Variants in MAP3K1 observed in about 807,000 individuals in gnomAD.
MAP3K1 encodes the protein MAP/ERK kinase kinase 1.
In MAP3K1, 36 loss-of-function variants were observed where a neutral mutation model predicts 144.2. The observed-to-expected ratio is 0.25, with a 90% CI of 0.19 to 0.33. The LOEUF is 0.33. Ranked by LOEUF, MAP3K1 falls within the 10% of genes least tolerant of loss-of-function variation. MAP3K1 has a pLI of 1.00. For missense variants in MAP3K1, 1,650 were observed against 1,881.9 expected, an observed-to-expected ratio of 0.88 and a Z score of 2.28; for synonymous variants, 718 against 688.7, an observed-to-expected ratio of 1.04 and a Z score of -0.67.
intron 3 of MAP3K1, 149 bp downstream of exon 3, chr5:56,860,064 C>T (rs1247914584): frequency 6.7e-6 from 5 of 743,410 alleles, no homozygotes; most frequent in Non-Finnish European, 4.7e-6. Flanking sequence ...GTTCCTGAGA[C>T]CCTTTCTGGG....
chr5:56,842,928 A>G (rs549765207), intron 1 of MAP3K1, among the ~76,000 whole-genome samples: 2 of 152,026 alleles, frequency 1.3e-5, no homozygotes, highest in Admixed American at 6.5e-5. Flanking sequence ...TCGCTCCAGA[A>G]CTCATGCCCC....
Position 56,895,804 on chromosome 5 carries a change from CGTCT to C in MAP3K1, c.*2125_*2128del, listed in dbSNP as rs779464672. ...TATTTGGTACTCAAGTTGTAAATAA[CGTCT>C]ACTACTGTTTATTCCAGTTTCTACT... On this transcript the variant is annotated 3_prime_UTR_variant, in exon 20 of 20. Transcript: ENST00000399503. 6.1e-5 allele frequency: 14 copies of C among 231,138 alleles called. No individual in the cohort carries two copies. In the East Asian group the frequency reaches 8.6e-4, roughly 14 times the overall value. 14.3% of individuals were successfully genotyped at this position (231,138 alleles called of 1,614,324 possible). A position where few individuals can be genotyped will look rare whatever the true frequency, so the allele number is the denominator to read the frequency against.
chr5:56,820,612 T>C (rs1164078527), intron 1 of MAP3K1: 1 of 984,372 alleles, frequency 1.0e-6, no homozygotes, highest in African/African-American at 1.7e-5. Flanking sequence ...TTGTGCTGTA[T>C]TAAATCATAA....
intron 19 of MAP3K1, among the ~76,000 whole-genome samples, chr5:56,892,557 GAAATA>G (rs1458630712): frequency 5.3e-5 from 8 of 152,110 alleles, no homozygotes; most frequent in Non-Finnish European, 1.2e-4. Flanking sequence ...TCTAGTGATT[GAAATA>G]AAATAACAGT....
Position 56,884,574 on chromosome 5 carries a change from C to A in MAP3K1, c.3820-90C>A, listed in dbSNP as rs1403635132. 3 of 1,222,402 alleles carry A rather than the reference C, an allele frequency of 2.5e-6. No homozygotes were observed. The Admixed American group carries it at 5.5e-5, about 22-fold the overall frequency. 75.7% of individuals were successfully genotyped at this position (1,222,402 alleles called of 1,614,324 possible). On this transcript the variant is annotated intron_variant, in intron 15 of 19. Coordinates refer to ENST00000399503, the MANE Select transcript of MAP3K1 (RefSeq NM_005921.2). The stretch of plus-strand genomic sequence containing the variant: ...CCATAAGCATAAATGCCATCTGTTG[C>A]TAATAAAGTGCTAGTTTGCATTTGT...
chr5:56,825,845 A>G (rs989227950), intron 1 of MAP3K1, among the ~76,000 whole-genome samples: 2 of 152,118 alleles, frequency 1.3e-5, no homozygotes, highest in African/African-American at 2.4e-5. Flanking sequence ...TCCAGACTCC[A>G]TAATGCAGTT....
At chr5:56,829,672 G>T (rs1746430083) in intron 1 of MAP3K1, among the ~76,000 whole-genome samples, 1 of 152,056 alleles carries the variant, frequency 6.6e-6, no homozygotes, top group Admixed American at 6.6e-5. Context: ...TATTTATTTG[G>T]GGCACTTACT....
chr5:56,829,401 C>T (rs1242621067), intron 1 of MAP3K1, among the ~76,000 whole-genome samples: 2 of 150,192 alleles, frequency 1.3e-5, no homozygotes, highest in Non-Finnish European at 3.0e-5. Context: ...TTGCCTAAGC[C>T]GGTCTCCAAC....
At position 56,843,366 on chromosome 5, in the gene MAP3K1, A is replaced by T. The variant is rs560763276; in HGVS notation, c.483-13234A>T. On this transcript the variant is annotated intron_variant, in intron 1 of 19. Coordinates refer to ENST00000399503, the MANE Select transcript of MAP3K1 (RefSeq NM_005921.2). ...TTCACCCACCAGTCCTGCCAGTAACACCACCATCAGTGCTGAAGATGCACA... is the reference window on the plus strand; with the variant it reads ...TTCACCCACCAGTCCTGCCAGTAACTCCACCATCAGTGCTGAAGATGCACA... Among the ~76,000 whole-genome samples the T allele has an allele frequency of 7.2e-5, 11 of 152,100 alleles. 1 individual carries two copies. In the South Asian group the frequency reaches 1.2e-3, roughly 17 times the overall value.
intron 1 of MAP3K1, among the ~76,000 whole-genome samples, chr5:56,821,743 A>C (rs910136577): frequency 6.6e-6 from 1 of 152,154 alleles, no homozygotes; most frequent in Admixed American, 6.5e-5. Flanking sequence ...TAATCTTCAA[A>C]CTGGTCTTAT....
intron 1 of MAP3K1, among the ~76,000 whole-genome samples, chr5:56,830,631 A>G (rs537734104): frequency 3.9e-5 from 6 of 152,304 alleles, no homozygotes; most frequent in Non-Finnish European, 4.4e-5. Context: ...TTTATAAATC[A>G]TTTATTGAGC....
chr5:56,838,647 A>T (rs1190322548), intron 1 of MAP3K1, among the ~76,000 whole-genome samples: 3 of 151,992 alleles, frequency 2.0e-5, no homozygotes, highest in Admixed American at 6.6e-5. Flanking sequence ...CACCTACTGA[A>T]TGAAGAGCTT....
In MAP3K1 at chr5:56,881,079, G is replaced by A. The variant is rs778962180; in HGVS notation, c.2180-4G>A. On this transcript the variant is annotated splice_region_variant and splice_polypyrimidine_tract_variant and intron_variant, in intron 12 of 19. Coordinates refer to ENST00000399503, the MANE Select transcript of MAP3K1 (RefSeq NM_005921.2). ...ATCATTTATTTTTACTTTCCTTTTT[G>A]TAGGATCCATTGGTATTGGTGGTGT... The A allele has an allele frequency of 6.2e-7, 1 of 1,605,156 alleles. No individual in the cohort carries two copies. The highest frequency in any genetic ancestry group is 8.5e-7 in the Non-Finnish European group (1 of 1,172,986).
chr5:56,825,513 A>G (rs1178176183), intron 1 of MAP3K1, among the ~76,000 whole-genome samples: 4 of 152,182 alleles, frequency 2.6e-5, no homozygotes, highest in Non-Finnish European at 5.9e-5. Context: ...TTCCTCCAGG[A>G]GGGACCCCTC....
At chr5:56,829,376 CAG>C (rs1746419832) in intron 1 of MAP3K1, among the ~76,000 whole-genome samples, 1 of 135,908 alleles carries the variant, frequency 7.4e-6, no homozygotes, top group Non-Finnish European at 1.6e-5. Context: ...TTTGTAGTGA[CAG>C]AGTTTCGCCA....
chr5:56,872,706 T>G lies in MAP3K1; in HGVS notation c.1489T>G (p.Ser497Ala). 6.2e-7 allele frequency: 1 copy of G among 1,603,982 alleles called. No individual in the cohort carries two copies. The highest frequency in any genetic ancestry group is 8.5e-7 in the Non-Finnish European group (1 of 1,171,062). The change falls in exon 8 of 20, where the codon TCT (serine) becomes GCT (alanine). Residue 497 changes from serine to alanine, a missense_variant. This residue lies in a region of MAP3K1 where 841 missense variants were observed against 886.5 expected (regional missense o/e 0.95). Coordinates refer to ENST00000399503, the MANE Select transcript of MAP3K1 (RefSeq NM_005921.2). Reference sequence around the variant, plus strand: ...TCCCCTTTGTAGATCTAAGTGGAGATCTCATGATTTCTACAGGTAATAATT... The same window carrying G: ...TCCCCTTTGTAGATCTAAGTGGAGAGCTCATGATTTCTACAGGTAATAATT... Reference protein sequence around the residue: ...ICPLCRSKWRSHDFYSHELSS... With the variant: ...ICPLCRSKWRAHDFYSHELSS...
Position 56,815,808 on chromosome 5 carries a change from T to C in MAP3K1, c.235T>C (p.Phe79Leu), listed in dbSNP as rs1297607633. The C allele has an allele frequency of 1.4e-6, 2 of 1,422,744 alleles. No homozygotes were observed. The highest frequency in any genetic ancestry group is 9.2e-7 in the Non-Finnish European group (1 of 1,085,136). 88.1% of individuals were successfully genotyped at this position (1,422,744 alleles called of 1,614,324 possible). The change falls in exon 1 of 20, where the codon TTC (phenylalanine) becomes CTC (leucine). Residue 79 changes from phenylalanine (F) to leucine (L), a missense_variant. By Grantham distance (22) the Phe-to-Leu change is conservative (BLOSUM62 0). Coordinates refer to ENST00000399503, the MANE Select transcript of MAP3K1 (RefSeq NM_005921.2). ...ELDQLPEQPL[F>L]LAASPPASST... ...GGACCAGCTGCCTGAGCAGCCGCTC[T>C]TCCTTGCCGCCTCACCGCCGGCCTC...
At chr5:56,875,665 AAAAAC>A (rs1719355486) in intron 10 of MAP3K1, among the ~76,000 whole-genome samples, 1 of 152,150 alleles carries the variant, frequency 6.6e-6, no homozygotes, top group Non-Finnish European at 1.5e-5. Context: ...GAGACAGACT[AAAAAC>A]CATGGCTTCA....
intron 1 of MAP3K1, among the ~76,000 whole-genome samples, chr5:56,825,552 A>G (rs980092722): frequency 1.3e-5 from 2 of 152,226 alleles, no homozygotes; most frequent in Non-Finnish European, 2.9e-5. Flanking sequence ...TCACATGTCC[A>G]GGCTGCATCT....
Sources: gnomAD v4.1 joint callset for allele counts (sites outside exome capture counted in the v4.1 genomes callset) on GRCh38, gnomAD v4.1.1 for gene constraint, gnomAD v4.1.1 regional missense constraint, MANE v1.5 for transcripts, NCBI Gene and HGNC (gene_info 2026-07-23, HGNC 2026-07-21) for gene names.